The following WDFY3 variants were observed in gnomAD, a reference collection of about 807,000 sequenced individuals.
WDFY3 encodes the protein WD repeat and FYVE domain-containing protein 3.
Under a neutral mutation model 409.6 loss-of-function variants are expected in WDFY3, and 66 were observed. That is an observed-to-expected ratio of 0.16 (90% confidence interval 0.13 to 0.20). WDFY3 has a LOEUF of 0.20. WDFY3 is among the 10% of genes least tolerant of loss of function. The pLI, the probability that WDFY3 is intolerant of heterozygous loss-of-function variation, is 1.00. For missense variants in WDFY3, 3,031 were observed against 4,298.1 expected (o/e 0.71, Z 8.24); for synonymous variants, 1,521 against 1,537.1 (o/e 0.99, Z 0.25).
chr4:84,766,479 T>C, intron 30 of WDFY3, 107 bp from the exon 31 acceptor site: 3 of 1,156,176 alleles, frequency 2.6e-6, no homozygotes, highest in Non-Finnish European at 3.6e-6. Context: ...TTAGAAAACA[T>C]TTTCTCCAGG....
At chr4:84,811,983 G>A (rs1313849635) in intron 13 of WDFY3, among the ~76,000 whole-genome samples, 1 of 152,160 alleles carries the variant, frequency 6.6e-6, no homozygotes, top group Non-Finnish European at 1.5e-5. Flanking sequence ...GAGGTCAGGT[G>A]TGGAATTTTC....
At chr4:84,925,083 T>C (rs558377362) in intron 2 of WDFY3, among the ~76,000 whole-genome samples, 26 of 152,340 alleles carry the variant, frequency 1.7e-4, no homozygotes, top group African/African-American at 6.0e-4. Flanking sequence ...TAGCACAGAA[T>C]GGACATCTAA....
chr4:84,743,044 A>G (rs1290905526), intron 37 of WDFY3, among the ~76,000 whole-genome samples: 1 of 152,236 alleles, frequency 6.6e-6, no homozygotes, highest in African/African-American at 2.4e-5. Flanking sequence ...AGACAATACT[A>G]AAGATTTCCT....
chr4:84,931,135 C>A (rs927603889), intron 2 of WDFY3, among the ~76,000 whole-genome samples: 2 of 152,130 alleles, frequency 1.3e-5, no homozygotes, highest in Non-Finnish European at 2.9e-5. Context: ...CAGTCTTCCA[C>A]TGGGGGTCTT....
At chr4:84,726,980 T>A in intron 44 of WDFY3, 69 bp from the exon 45 acceptor site, 2 of 1,414,230 alleles carry the variant, frequency 1.4e-6, no homozygotes, top group South Asian at 1.3e-5. Flanking sequence ...AAAATAAAAT[T>A]TTTCTTGAGG....
intron 5 of WDFY3, among the ~76,000 whole-genome samples, chr4:84,845,612 A>G (rs1757985218): frequency 6.6e-6 from 1 of 152,198 alleles, no homozygotes; most frequent in African/African-American, 2.4e-5. Context: ...TAAATAAAAA[A>G]TAAAGATGAA....
chr4:84,781,392 G>GTT (rs1299711060), intron 25 of WDFY3, among the ~76,000 whole-genome samples: 75 of 126,956 alleles, frequency 5.9e-4, no homozygotes, highest in Middle Eastern at 4.2e-3. Context: ...TTTCCCTTTT[G>GTT]TTTTTTTTTT....
intron 38 of WDFY3, among the ~76,000 whole-genome samples, chr4:84,741,251 A>C (rs1456549803): frequency 6.6e-6 from 1 of 152,130 alleles, no homozygotes; most frequent in African/African-American, 2.4e-5. Context: ...GCAACTTTAC[A>C]AAGGACACAT....
intron 5 of WDFY3, among the ~76,000 whole-genome samples, chr4:84,847,790 C>CAAAAAAAAAA (rs78361102): frequency 7.2e-5 from 6 of 82,856 alleles, no homozygotes; most frequent in Admixed American, 2.5e-4. Flanking sequence ...AAAAAAAAAC[C>CAAAAAAAAAA]AAAAAAAAAA....
At chr4:84,827,387 C>A (rs1755013995) in intron 9 of WDFY3, among the ~76,000 whole-genome samples, 2 of 152,044 alleles carry the variant, frequency 1.3e-5, no homozygotes, top group African/African-American at 4.8e-5. Context: ...ATACTATATA[C>A]AGTATGTTGT....
chr4:84,694,213 C>G (rs757727427), intron 58 of WDFY3, among the ~76,000 whole-genome samples: 9 of 152,132 alleles, frequency 5.9e-5, no homozygotes, highest in Non-Finnish European at 1.0e-4. Context: ...TATAAAGATA[C>G]ATAGTTTTAA....
Position 84,841,226 on chromosome 4 carries a change from A to G in WDFY3, c.342T>C (p.Ile114=), listed in dbSNP as rs2150029565. The G allele has an allele frequency of 6.2e-7, 1 of 1,612,896 alleles. No homozygotes were observed. The highest frequency in any genetic ancestry group is 8.5e-7 in the Non-Finnish European group (1 of 1,179,780). Residue 114 remains isoleucine (I), a synonymous_variant, in exon 6 of 68, where the codon ATT becomes ATC. Transcript: ENST00000295888. ...CTCTACTGGCTTCTTCACTCTGATT[A>G]ATCTCTAGGAACTGAACTATGGCCC... The part of the protein sequence containing the change: ...ASRAIVQFLE[I]NQSEEASRGW...
intron 1 of WDFY3, among the ~76,000 whole-genome samples, chr4:84,955,528 A>G (rs1382658075): frequency 6.6e-6 from 1 of 152,170 alleles, no homozygotes; most frequent in Non-Finnish European, 1.5e-5. Flanking sequence ...GTATTTTCCA[A>G]CATTTTTCAA....
intron 51 of WDFY3, among the ~76,000 whole-genome samples, chr4:84,710,539 A>G (rs552166502): frequency 6.6e-6 from 1 of 152,318 alleles, no homozygotes; most frequent in South Asian, 2.1e-4. Flanking sequence ...GATCCTAAAC[A>G]CATCCAGCTC....
At chr4:84,805,024 A>C (rs775076240) in intron 15 of WDFY3, among the ~76,000 whole-genome samples, 8 of 152,202 alleles carry the variant, frequency 5.3e-5, no homozygotes, top group Non-Finnish European at 1.0e-4. Context: ...ACATGACGCC[A>C]TAAGTAGAAA....
At chr4:84,789,692 A>G (rs371824033) in intron 22 of WDFY3, 34 bp downstream of exon 22, 1 of 1,606,970 alleles carries the variant, frequency 6.2e-7, no homozygotes, top group African/African-American at 1.3e-5. Flanking sequence ...CTACCTTATA[A>G]AACAGGTAGA....
intron 1 of WDFY3, among the ~76,000 whole-genome samples, chr4:84,945,773 A>G (rs566647288): frequency 6.6e-6 from 1 of 152,272 alleles, no homozygotes; most frequent in African/African-American, 2.4e-5. Context: ...CTGCTTTCAA[A>G]GTTCTGCTTC....
At chr4:84,951,217 C>T (rs1052763573) in intron 1 of WDFY3, among the ~76,000 whole-genome samples, 4 of 152,072 alleles carry the variant, frequency 2.6e-5, no homozygotes, top group Non-Finnish European at 4.4e-5. Context: ...TTCGGGCATC[C>T]GGGAATGAGT....
At chr4:84,827,107 G>T (rs750831918) in intron 9 of WDFY3, 126 bp from the exon 10 acceptor site, 77 of 898,486 alleles carry the variant, frequency 8.6e-5, no homozygotes, top group Non-Finnish European at 1.1e-4. Flanking sequence ...AGTACTGAAA[G>T]AACACTGGGG....
Sources: gnomAD v4.1 joint callset for allele counts (sites outside exome capture counted in the v4.1 genomes callset) on GRCh38, gnomAD v4.1.1 for gene constraint, MANE v1.5 for transcripts, NCBI Gene and HGNC (gene_info 2026-07-23, HGNC 2026-07-21) for gene names.